Variants in INTS14 observed in about 807,000 individuals in gnomAD.
INTS14 encodes UPF0464 protein C15orf44.
In INTS14, 27 loss-of-function variants were observed where a neutral mutation model predicts 56.9. The ratio of observed to expected loss-of-function variants is 0.47; its 90% CI spans 0.35 to 0.65. The LOEUF (loss-of-function observed/expected upper bound fraction) is 0.65, where lower values mean the gene tolerates loss of function less well. Among genes scored for constraint, INTS14 ranks in the 30% least tolerant of loss-of-function variants. The pLI is 0.00. For synonymous variants in INTS14, 207 were observed against 236.2 expected (o/e 0.88, Z 1.13); for missense variants, 517 against 632.2 (o/e 0.82, Z 1.95).
intron 10 of INTS14, 46 bp from the exon 11 acceptor site, chr15:65,582,065 A>G (rs754477514): frequency 6.7e-7 from 1 of 1,485,136 alleles, no homozygotes; most frequent in Non-Finnish European, 9.2e-7. Context: ...TTCTGTGGTA[A>G]AAAAGGGAAA....
intron 9 of INTS14, among the ~76,000 whole-genome samples, chr15:65,587,816 TA>T (rs1489641002): frequency 6.6e-6 from 1 of 151,554 alleles, no homozygotes; most frequent in Non-Finnish European, 1.5e-5. Flanking sequence ...CTTGTCTCTA[TA>T]AAAAAATCAA....
chr15:65,600,040 G>C, intron 3 of INTS14, 111 bp from the exon 4 acceptor site: 1 of 1,188,914 alleles, frequency 8.4e-7, no homozygotes, highest in Non-Finnish European at 1.2e-6. Flanking sequence ...GGCTATGGTG[G>C]CTCAAGCCTG....
At chr15:65,584,912 A>G (rs746446919) in intron 9 of INTS14, 24 bp from the exon 10 acceptor site, 1 of 1,588,598 alleles carries the variant, frequency 6.3e-7, no homozygotes, top group Non-Finnish European at 8.6e-7. Flanking sequence ...ACATTCTTGA[A>G]ATGACATCTG....
At chr15:65,599,952 G>T (rs1202000983) in intron 3 of INTS14, 23 bp from the exon 4 acceptor site, 1 of 1,602,998 alleles carries the variant, frequency 6.2e-7, no homozygotes, top group Non-Finnish European at 8.5e-7. Flanking sequence ...AGAGAGAGAG[G>T]AGGTTGTACA....
intron 9 of INTS14, among the ~76,000 whole-genome samples, chr15:65,587,611 T>G (rs2072874473): frequency 1.3e-5 from 2 of 152,156 alleles, no homozygotes; most frequent in Non-Finnish European, 2.9e-5. Context: ...GTGCGTCTTG[T>G]GTAGGTGGGT....
intron 3 of INTS14, among the ~76,000 whole-genome samples, chr15:65,604,300 T>G (rs1044689915): frequency 6.6e-6 from 1 of 152,160 alleles, no homozygotes; most frequent in Admixed American, 6.5e-5. Flanking sequence ...GCCAGGATGG[T>G]CTCGATCTCT....
intron 1 of INTS14, among the ~76,000 whole-genome samples, chr15:65,609,311 A>T (rs2073772326): frequency 6.6e-6 from 1 of 152,166 alleles, no homozygotes; most frequent in Non-Finnish European, 1.5e-5. Flanking sequence ...CATGGAAACA[A>T]TGTTTACAAC....
intron 1 of INTS14, among the ~76,000 whole-genome samples, chr15:65,607,731 C>T (rs1167834235): frequency 6.6e-6 from 1 of 152,156 alleles, no homozygotes; most frequent in Non-Finnish European, 1.5e-5. Flanking sequence ...ACACATTCGA[C>T]TTTTATGCAA....
In INTS14 at chr15:65,595,758, C is replaced by G; in HGVS notation, c.816G>C (p.Leu272=). The G allele has an allele frequency of 6.2e-7, 1 of 1,610,106 alleles. No homozygotes were observed. The highest frequency in any genetic ancestry group is 8.5e-7 in the Non-Finnish European group (1 of 1,178,768). ...ISSPPVLSRH[L]VLPIALNKEG... is the part of the protein sequence containing the mutation. ...CTTTGTTAAGTGCTATAGGTAAGAC[C>G]AGATGTCTGGACAGAACTGGGGGAC... Residue 272 remains leucine (L), a synonymous_variant, in exon 7 of 12, where the codon CTG becomes CTC. Coordinates refer to ENST00000313182, the MANE Select transcript of INTS14 (RefSeq NM_001394796.1).
At chr15:65,587,453 C>G (rs1279037749) in intron 9 of INTS14, among the ~76,000 whole-genome samples, 1 of 151,958 alleles carries the variant, frequency 6.6e-6, no homozygotes, top group Non-Finnish European at 1.5e-5. Flanking sequence ...TGGGACTGAG[C>G]TAGGGGACAA....
chr15:65,598,707 T>C (rs1277914246), intron 5 of INTS14, 165 bp downstream of exon 5: 1 of 718,738 alleles, frequency 1.4e-6, no homozygotes, highest in East Asian at 2.7e-5. Context: ...ACAGTATAGA[T>C]TTACTTTAAA....
intron 9 of INTS14, among the ~76,000 whole-genome samples, chr15:65,589,689 T>C (rs2072954238): frequency 6.6e-6 from 1 of 152,206 alleles, no homozygotes. Context: ...TCTGTACTTC[T>C]ATGAGCTCAT....
At position 65,610,857 on chromosome 15, in the gene INTS14, G is replaced by C. The variant is rs1449243336; in HGVS notation, c.-63+241C>G. The C allele has an allele frequency of 3.3e-6, 5 of 1,527,732 alleles. No individual in the cohort carries two copies. In the African/African-American group the frequency reaches 5.5e-5, roughly 17 times the overall value. 94.6% of individuals were successfully genotyped at this position (1,527,732 alleles called of 1,614,324 possible). On this transcript the variant is annotated intron_variant, in intron 1 of 11. Coordinates refer to ENST00000313182, the MANE Select transcript of INTS14 (RefSeq NM_001394796.1). Reference sequence around the variant, plus strand: ...TCTCTCTTGGAAAGAGGGGGCAGAGGGGAGCTGAGCAGAGGGCGAAATCGT... The same window carrying C: ...TCTCTCTTGGAAAGAGGGGGCAGAGCGGAGCTGAGCAGAGGGCGAAATCGT...
At position 65,583,919 on chromosome 15, in the gene INTS14, A is replaced by C. The variant is rs539249038; in HGVS notation, c.1239+851T>G. ...GCAGGATGTGGTTCAGTCTCCATGGAAACGGGGCTCAGAGACTGTGCAGTC... is the reference window on the plus strand; with the variant it reads ...GCAGGATGTGGTTCAGTCTCCATGGCAACGGGGCTCAGAGACTGTGCAGTC... On this transcript the variant is annotated intron_variant, in intron 10 of 11. Transcript: ENST00000313182. 1.3e-4 allele frequency among the ~76,000 whole-genome samples: 20 copies of C among 152,282 alleles called. No individual in the cohort carries two copies. The East Asian group carries it at 3.9e-3, about 29-fold the overall frequency.
intron 5 of INTS14, 78 bp from the exon 6 acceptor site, chr15:65,598,541 TTTTCC>T: frequency 7.0e-7 from 1 of 1,428,280 alleles, no homozygotes; most frequent in Middle Eastern, 1.8e-4. Context: ...GCAAGGGTTG[TTTTCC>T]TTTCAAGTTG....
chr15:65,611,070 G>C lies in INTS14; in HGVS notation c.-63+28C>G, dbSNP rs528113528. ...TAACCCCAACAAGCAGCGAAAGGCA[G>C]TCCCGGGCCCTCGGCCTCCCCACTC... On this transcript the variant is annotated intron_variant, in intron 1 of 11. Coordinates refer to ENST00000313182, the MANE Select transcript of INTS14 (RefSeq NM_001394796.1). The C allele has an allele frequency of 1.6e-5, 24 of 1,535,654 alleles. No homozygotes were observed. The African/African-American group carries it at 2.6e-4, about 17-fold the overall frequency.
intron 2 of INTS14, among the ~76,000 whole-genome samples, chr15:65,606,779 T>C (rs1165166246): frequency 6.6e-6 from 1 of 152,198 alleles, no homozygotes. Flanking sequence ...TTTGAATTAC[T>C]CTAGAATAAG....
chr15:65,600,565 G>A (rs1235016534), intron 3 of INTS14, among the ~76,000 whole-genome samples: 1 of 151,920 alleles, frequency 6.6e-6, no homozygotes, highest in Non-Finnish European at 1.5e-5. Context: ...GGAAGTCGAG[G>A]CTACAGTGAG....
At chr15:65,606,252 C>CAAAA (rs372473798) in intron 2 of INTS14, among the ~76,000 whole-genome samples, 3 of 62,418 alleles carry the variant, frequency 4.8e-5, no homozygotes, top group African/African-American at 1.1e-4. Context: ...GACTCCGTCT[C>CAAAA]AAAAAAAAAA....
Sources: allele counts gnomAD v4.1 joint callset (sites outside exome capture counted in the v4.1 genomes callset), GRCh38; gene constraint gnomAD v4.1.1; transcripts MANE v1.5; gene names NCBI Gene and HGNC (gene_info 2026-07-23, HGNC 2026-07-21).